The following SCOC variants were observed in gnomAD, a reference collection of about 807,000 sequenced individuals.
SCOC encodes short coiled-coil protein.
In SCOC, 7 loss-of-function variants were observed where a neutral mutation model predicts 9.9. The observed-to-expected ratio is 0.71, with a 90% CI of 0.40 to 1.33. The LOEUF (loss-of-function observed/expected upper bound fraction) is 1.33, where lower values mean the gene tolerates loss of function less well. Ranked by LOEUF, SCOC falls within the 40% of genes most tolerant of loss-of-function variation. The pLI is 0.01. For missense variants in SCOC, 66 were observed against 89.7 expected, an observed-to-expected ratio of 0.74 and a Z score of 1.07; for synonymous variants, 19 against 28.2, an observed-to-expected ratio of 0.67 and a Z score of 1.03.
At chr4:140,271,131 A>T (rs1730835791) in intron 1 of SCOC, among the ~76,000 whole-genome samples, 1 of 152,130 alleles carries the variant, frequency 6.6e-6, no homozygotes, top group South Asian at 2.1e-4. Context: ...AGGAGGAGGG[A>T]TTGCTTGTAG....
chr4:140,297,726 AG>A (rs1464482956), intron 1 of SCOC, among the ~76,000 whole-genome samples: 1 of 152,234 alleles, frequency 6.6e-6, no homozygotes, highest in Non-Finnish European at 1.5e-5. Flanking sequence ...TTTAAATCAA[AG>A]GAAAAAAACA....
intron 2 of SCOC, among the ~76,000 whole-genome samples, chr4:140,367,900 C>T (rs1407140480): frequency 2.0e-5 from 3 of 152,154 alleles, no homozygotes; most frequent in Non-Finnish European, 4.4e-5. Flanking sequence ...AAGATTGACT[C>T]TTAAATATAG....
intron 1 of SCOC, among the ~76,000 whole-genome samples, chr4:140,311,267 C>T (rs1288605765): frequency 6.6e-6 from 1 of 152,152 alleles, no homozygotes; most frequent in Non-Finnish European, 1.5e-5. Flanking sequence ...TTAACCTTCA[C>T]TTGTCTGATT....
chr4:140,268,656 A>G (rs1348187014), intron 1 of SCOC, among the ~76,000 whole-genome samples: 1 of 152,194 alleles, frequency 6.6e-6, no homozygotes, highest in Non-Finnish European at 1.5e-5. Context: ...GTCAGAAAGC[A>G]GGGGATCTCA....
intron 2 of SCOC, among the ~76,000 whole-genome samples, chr4:140,349,987 C>A (rs1053819770): frequency 1.7e-4 from 26 of 152,198 alleles, no homozygotes; most frequent in African/African-American, 6.0e-4. Flanking sequence ...TTTTCAGTGT[C>A]ATTTCCTGCC....
chr4:140,378,548 G>T (rs552444656), intron 1 of SCOC, among the ~76,000 whole-genome samples: 10 of 151,930 alleles, frequency 6.6e-5, no homozygotes, highest in Non-Finnish European at 1.5e-4. Flanking sequence ...GGGCAACTTG[G>T]CAAGACCCTC....
intron 1 of SCOC, among the ~76,000 whole-genome samples, chr4:140,288,076 ATATT>A (rs984123841): frequency 1.3e-5 from 2 of 152,030 alleles, no homozygotes; most frequent in East Asian, 1.9e-4. Context: ...ATACATATCT[ATATT>A]TATCACACAC....
At chr4:140,285,621 T>C (rs1731243595) in intron 1 of SCOC, among the ~76,000 whole-genome samples, 1 of 152,198 alleles carries the variant, frequency 6.6e-6, no homozygotes, top group Admixed American at 6.5e-5. Context: ...AGTACAGAAA[T>C]AGGGCTTTTC....
chr4:140,260,639 A>G (rs1393498906), intron 1 of SCOC, among the ~76,000 whole-genome samples: 2 of 152,172 alleles, frequency 1.3e-5, no homozygotes, highest in South Asian at 2.1e-4. Flanking sequence ...ATTTTAGTGT[A>G]CTCAAATTTG....
intron 1 of SCOC, among the ~76,000 whole-genome samples, chr4:140,282,938 G>T (rs1731134406): frequency 6.6e-6 from 1 of 152,188 alleles, no homozygotes; most frequent in Non-Finnish European, 1.5e-5. Context: ...AATAAAATTT[G>T]CTCTTTGAAA....
At chr4:140,277,063 G>C (rs1731001064) in intron 1 of SCOC, among the ~76,000 whole-genome samples, 1 of 152,082 alleles carries the variant, frequency 6.6e-6, no homozygotes, top group African/African-American at 2.4e-5. Flanking sequence ...TGAATTTTAG[G>C]CTCTTCAGAA....
At chr4:140,332,785 C>T (rs779947694) in intron 1 of SCOC, among the ~76,000 whole-genome samples, 2 of 152,106 alleles carry the variant, frequency 1.3e-5, no homozygotes, top group East Asian at 1.9e-4. Context: ...ACCTCAACAG[C>T]GACCACTCAA....
chr4:140,373,495 C>A, upstream of SCOC: 1 of 1,551,514 alleles, frequency 6.4e-7, no homozygotes, highest in Non-Finnish European at 8.7e-7. Flanking sequence ...AGGTGGATCC[C>A]GGTGCTTTGA....
chr4:140,360,807 G>A (rs1727431575), intron 2 of SCOC: 1 of 152,172 alleles, frequency 6.6e-6, no homozygotes, highest in African/African-American at 2.4e-5. Flanking sequence ...TGAAGTACAG[G>A]AGGTTTCTAT....
chr4:140,379,713 T>A, intron 3 of SCOC, 61 bp downstream of exon 3: 1 of 1,238,464 alleles, frequency 8.1e-7, no homozygotes, highest in Non-Finnish European at 1.2e-6. Context: ...TGTAAAAATT[T>A]ATATTGCTAA....
chr4:140,257,591 C>T (rs138484780), intron 1 of SCOC, among the ~76,000 whole-genome samples: 2 of 152,152 alleles, frequency 1.3e-5, no homozygotes, highest in African/African-American at 2.4e-5. Flanking sequence ...AGCTCTCTCA[C>T]GGCGGTGAGG....
rs2126606204 is a variant in SCOC, at chr4:140,382,356, C to A, written c.*1252C>A. On this transcript the variant is annotated 3_prime_UTR_variant, in exon 4 of 4. Transcript: ENST00000608372. ...TATGAAAAGAGATCCACTAATGTAG[C>A]TTAAGGTTATTAGATTTGGGCTTTT... 1 of 152,660 alleles carries A rather than the reference C, an allele frequency of 6.6e-6. No homozygotes were observed. Among genetic ancestry groups the A allele is most frequent in the East Asian group, 1.9e-4 (1 of 5,184 alleles). 9.5% of individuals were successfully genotyped at this position (152,660 alleles called of 1,614,324 possible). A position where few individuals can be genotyped will look rare whatever the true frequency, so the allele number is the denominator to read the frequency against.
intron 1 of SCOC, chr4:140,293,211 A>G: frequency 2.3e-6 from 1 of 429,898 alleles, no homozygotes; most frequent in Admixed American, 2.6e-5. Flanking sequence ...ATGAAATCTT[A>G]AACAACTGGG....
chr4:140,351,892 C>T (rs1162163200), intron 2 of SCOC, among the ~76,000 whole-genome samples: 6 of 152,136 alleles, frequency 3.9e-5, no homozygotes, highest in South Asian at 2.1e-4. Flanking sequence ...GGAGTCTTGT[C>T]GGTGAAAAGG....
Sources: allele counts gnomAD v4.1 joint callset (sites outside exome capture counted in the v4.1 genomes callset), GRCh38; gene constraint gnomAD v4.1.1; transcripts MANE v1.5; gene names NCBI Gene and HGNC (gene_info 2026-07-23, HGNC 2026-07-21).